B3GALT5: variants seen among roughly 807,000 people sequenced by gnomAD.
B3GALT5 encodes UDP-Gal:betaGlcNAc beta 1,3-galactosyltransferase, polypeptide 5.
For missense variants in B3GALT5, 328 were observed against 396.6 expected (o/e 0.83, Z 1.47); for synonymous variants, 156 against 158.6 (o/e 0.98, Z 0.12).
At chr21:39,641,573 T>C (rs909846149) in intron 1 of B3GALT5, among the ~76,000 whole-genome samples, 2 of 152,234 alleles carry the variant, frequency 1.3e-5, no homozygotes, top group African/African-American at 2.4e-5. Context: ...TTTTCTGGAA[T>C]AGCTCATTCC....
At chr21:39,636,493 G>T (rs889831857) in intron 1 of B3GALT5, among the ~76,000 whole-genome samples, 5 of 152,066 alleles carry the variant, frequency 3.3e-5, no homozygotes, top group African/African-American at 1.2e-4. Context: ...CCCCCCTGTT[G>T]TTGCTTCCCA....
chr21:39,636,097 T>C (rs529410968), intron 1 of B3GALT5, among the ~76,000 whole-genome samples: 1 of 152,306 alleles, frequency 6.6e-6, no homozygotes, highest in South Asian at 2.1e-4. Flanking sequence ...TACTGGAATG[T>C]TTACTATCGG....
intron 1 of B3GALT5, among the ~76,000 whole-genome samples, chr21:39,620,687 A>G (rs2079129855): frequency 6.6e-6 from 1 of 152,192 alleles, no homozygotes; most frequent in Non-Finnish European, 1.5e-5. Context: ...TGATATGAGC[A>G]TACCATTAGA....
At position 39,660,902 on chromosome 21, in the gene B3GALT5, C is replaced by T. The variant is rs1413220064; in HGVS notation, c.343C>T (p.Arg115Ter). ...ETKEVDQESQRHGDIIQKDFL... is the reference protein window; with the variant it reads ...ETKEVDQESQ ...GAAAGAGGTGGACCAGGAGAGCCAG[C>T]GACACGGGGACATTATCCAGAAGGA... Residue 115 changes from arginine (R) to a stop codon, truncating the protein, a stop_gained, in exon 4 of 4, where the codon CGA becomes TGA. Transcript: ENST00000684187. LOFTEE classifies it low-confidence loss of function (END_TRUNC). The T allele has an allele frequency of 8.7e-6, 14 of 1,610,678 alleles. No homozygotes were observed. Among genetic ancestry groups the T allele is most frequent in the African/African-American group, 2.7e-5 (2 of 74,826 alleles).
intron 1 of B3GALT5, among the ~76,000 whole-genome samples, chr21:39,619,460 A>G (rs2079123449): frequency 6.6e-6 from 1 of 152,184 alleles, no homozygotes; most frequent in African/African-American, 2.4e-5. Context: ...GGTGGACACA[A>G]TTCCGTCCAT....
chr21:39,642,470 A>G (rs964289978), intron 1 of B3GALT5, among the ~76,000 whole-genome samples: 1 of 152,228 alleles, frequency 6.6e-6, no homozygotes, highest in African/African-American at 2.4e-5. Context: ...TAGACAAAGC[A>G]GTTGAGGTAC....
intron 1 of B3GALT5, among the ~76,000 whole-genome samples, chr21:39,634,548 G>A (rs1224657233): frequency 6.6e-6 from 1 of 151,922 alleles, no homozygotes; most frequent in East Asian, 1.9e-4. Context: ...TTTTACTGCG[G>A]GTCGCTCACA....
chr21:39,639,353 TCCTTCC>T (rs2079261270), intron 1 of B3GALT5, among the ~76,000 whole-genome samples: 2 of 124,688 alleles, frequency 1.6e-5, no homozygotes, highest in African/African-American at 3.1e-5. Flanking sequence ...TTTCTTTCCT[TCCTTCC>T]TTCCTTCCTT....
chr21:39,624,514 C>T (rs1160696443), intron 1 of B3GALT5, among the ~76,000 whole-genome samples: 2 of 152,122 alleles, frequency 1.3e-5, no homozygotes, highest in Non-Finnish European at 2.9e-5. Context: ...TGGCATAATT[C>T]CCAGGTGTCT....
At position 39,660,941 on chromosome 21, in the gene B3GALT5, TA is replaced by T; in HGVS notation, c.383del (p.Tyr128PhefsTer4). 1 of 1,606,346 alleles carries T rather than the reference TA, an allele frequency of 6.2e-7. No homozygotes were observed. Among genetic ancestry groups the T allele is most frequent in the Non-Finnish European group, 8.5e-7 (1 of 1,175,632 alleles). ...DIIQKDFLDV[Y>X]YNLTLKTMMG... Reference sequence around the variant, plus strand: ...TATCCAGAAGGATTTCCTAGACGTCTATTACAATCTGACCCTGAAGACCATG... The same window carrying T: ...TATCCAGAAGGATTTCCTAGACGTCTTTACAATCTGACCCTGAAGACCATG... On this transcript the variant is annotated frameshift_variant, in exon 4 of 4. Coordinates refer to ENST00000684187, the MANE Select transcript of B3GALT5 (RefSeq NM_001356336.2). LOFTEE classifies it low-confidence loss of function (END_TRUNC).
In B3GALT5 at chr21:39,660,870, C is replaced by T. The variant is rs149085654; in HGVS notation, c.311C>T (p.Ala104Val). ...FFLLGTTSSA[A>V]ETKEVDQESQ... is the part of the protein sequence containing the mutation. ...CTCCTGGGGACCACCAGCAGTGCAGCGGAAACGAAAGAGGTGGACCAGGAG... is the reference window on the plus strand; with the variant it reads ...CTCCTGGGGACCACCAGCAGTGCAGTGGAAACGAAAGAGGTGGACCAGGAG... The change falls in exon 4 of 4, where the codon GCG (alanine) becomes GTG (valine). Residue 104 changes from alanine (A) to valine (V), a missense_variant. Transcript: ENST00000684187. 50 of 1,612,200 alleles carry T rather than the reference C, an allele frequency of 3.1e-5. No individual in the cohort carries two copies. The highest frequency in any genetic ancestry group is 1.6e-4 in the Middle Eastern group (1 of 6,072).
Position 39,627,347 on chromosome 21 carries a change from C to G in B3GALT5, c.-392+14280C>G, listed in dbSNP as rs112282475. Among the ~76,000 whole-genome samples the G allele has an allele frequency of 4.4e-3, 663 of 152,336 alleles. 1 individual carries two copies. Among genetic ancestry groups the G allele is most frequent in the Non-Finnish European group, 7.5e-3 (508 of 68,032 alleles). On this transcript the variant is annotated intron_variant, in intron 1 of 3. Coordinates refer to ENST00000684187, the MANE Select transcript of B3GALT5 (RefSeq NM_001356336.2). The stretch of plus-strand genomic sequence containing the variant: ...TTCAGATGCTATCTTTGCCCATGAA[C>G]TCACTCTTGGTAAAGTCACCCTGTG...
intron 1 of B3GALT5, among the ~76,000 whole-genome samples, chr21:39,629,121 C>A (rs1414790395): frequency 1.3e-5 from 2 of 152,072 alleles, no homozygotes; most frequent in Non-Finnish European, 2.9e-5. Context: ...TCAAGCAATT[C>A]TCCCTGCCTC....
intron 3 of B3GALT5, among the ~76,000 whole-genome samples, chr21:39,660,306 G>T (rs1186627907): frequency 6.6e-6 from 1 of 152,234 alleles, no homozygotes; most frequent in Non-Finnish European, 1.5e-5. Flanking sequence ...GACTCCCGTA[G>T]GTTAAGGGCT....
At chr21:39,645,336 C>T (rs907115481) in intron 1 of B3GALT5, among the ~76,000 whole-genome samples, 3 of 152,316 alleles carry the variant, frequency 2.0e-5, no homozygotes, top group Non-Finnish European at 2.9e-5. Context: ...CCTCAGGTCT[C>T]GCCCTGAGTG....
intron 2 of B3GALT5, among the ~76,000 whole-genome samples, chr21:39,659,108 C>T (rs1413266132): frequency 6.6e-6 from 1 of 152,108 alleles, no homozygotes; most frequent in Non-Finnish European, 1.5e-5. Flanking sequence ...AGTATGGTGG[C>T]ATGCGCCTGT....
intron 1 of B3GALT5, among the ~76,000 whole-genome samples, chr21:39,622,932 A>G (rs1362590931): frequency 6.6e-6 from 1 of 152,154 alleles, no homozygotes; most frequent in Non-Finnish European, 1.5e-5. Context: ...TTAACGATAT[A>G]TAAACATTTT....
chr21:39,631,737 AAAG>A (rs1394182132), intron 1 of B3GALT5, among the ~76,000 whole-genome samples: 2 of 152,232 alleles, frequency 1.3e-5, no homozygotes, highest in African/African-American at 2.4e-5. Context: ...CACTTTCAGT[AAAG>A]AAGTAGAGAG....
chr21:39,658,359 T>C (rs2079470937), intron 2 of B3GALT5, among the ~76,000 whole-genome samples: 1 of 152,040 alleles, frequency 6.6e-6, no homozygotes, highest in Non-Finnish European at 1.5e-5. Flanking sequence ...CTGTGAAGGG[T>C]CCTGAGGAGA....
Sources: gnomAD v4.1 joint callset for allele counts (sites outside exome capture counted in the v4.1 genomes callset) on GRCh38, gnomAD v4.1.1 for gene constraint, MANE v1.5 for transcripts, NCBI Gene and HGNC (gene_info 2026-07-23, HGNC 2026-07-21) for gene names.